PRKAR2B: variants seen among roughly 807,000 people sequenced by gnomAD.
The protein encoded by PRKAR2B is cAMP-dependent protein kinase type II-beta regulatory subunit.
In PRKAR2B, 14 loss-of-function variants were observed where a neutral mutation model predicts 49.9. That is an observed-to-expected ratio of 0.28 (90% CI 0.19 to 0.44). The LOEUF (loss-of-function observed/expected upper bound fraction) is 0.44. PRKAR2B is among the 20% of genes least tolerant of loss of function. PRKAR2B has a pLI of 1.00. For missense variants in PRKAR2B, 393 were observed against 537.9 expected (o/e 0.73, Z 2.67); for synonymous variants, 196 against 197.7 (o/e 0.99, Z 0.07).
intron 1 of PRKAR2B, among the ~76,000 whole-genome samples, chr7:107,053,673 C>G (rs1793853587): frequency 6.6e-6 from 1 of 151,916 alleles, no homozygotes; most frequent in East Asian, 1.9e-4. Context: ...ACTACGTTAC[C>G]TGAAGGGGAA....
At chr7:107,114,374 G>A (rs1031182428) in intron 2 of PRKAR2B, among the ~76,000 whole-genome samples, 1 of 130,896 alleles carries the variant, frequency 7.6e-6, no homozygotes, top group Non-Finnish European at 1.7e-5. Context: ...GTGTGTGTGT[G>A]TGTTTGAGAC....
At chr7:107,122,062 A>G (rs948956681) in intron 3 of PRKAR2B, 58 bp downstream of exon 3, 4 of 1,164,304 alleles carry the variant, frequency 3.4e-6, no homozygotes, top group Middle Eastern at 2.2e-4. Context: ...TATATAAGGA[A>G]AATAATCATA....
chr7:107,107,064 C>T (rs1032721671), intron 2 of PRKAR2B, among the ~76,000 whole-genome samples: 7 of 152,136 alleles, frequency 4.6e-5, no homozygotes, highest in African/African-American at 7.2e-5. Flanking sequence ...AGGTTGGGTG[C>T]GGTGGCTCAC....
At chr7:107,108,439 A>G (rs977710656) in intron 2 of PRKAR2B, among the ~76,000 whole-genome samples, 2 of 152,216 alleles carry the variant, frequency 1.3e-5, no homozygotes, top group Non-Finnish European at 2.9e-5. Context: ...AAGCGTGACA[A>G]GGACATGGCA....
intron 4 of PRKAR2B, among the ~76,000 whole-genome samples, chr7:107,138,567 G>A (rs989818935): frequency 2.2e-5 from 3 of 137,212 alleles, no homozygotes; most frequent in Admixed American, 7.5e-5. Context: ...TCATTTTTTT[G>A]AGACAGAGTC....
chr7:107,077,280 G>C (rs1035765746), intron 2 of PRKAR2B: 1 of 152,112 alleles, frequency 6.6e-6, no homozygotes, highest in African/African-American at 2.4e-5. Flanking sequence ...TGTGTGTCAG[G>C]TACAGTGCTG....
intron 3 of PRKAR2B, among the ~76,000 whole-genome samples, chr7:107,123,033 A>T (rs1262092324): frequency 6.6e-6 from 1 of 152,212 alleles, no homozygotes; most frequent in African/African-American, 2.4e-5. Context: ...TATAGTCTGA[A>T]AAACTAGACC....
intron 2 of PRKAR2B, among the ~76,000 whole-genome samples, chr7:107,095,100 A>G (rs1421591115): frequency 6.6e-6 from 1 of 152,166 alleles, no homozygotes; most frequent in African/African-American, 2.4e-5. Context: ...CTTGGGCAGT[A>G]TGGCCATTTT....
intron 3 of PRKAR2B, among the ~76,000 whole-genome samples, chr7:107,126,721 T>A (rs1002543323): frequency 1.3e-5 from 2 of 152,176 alleles, no homozygotes; most frequent in East Asian, 3.9e-4. Context: ...TTTAGTGTGT[T>A]AGCCTTCCTT....
At chr7:107,102,390 G>T (rs111832177) in intron 2 of PRKAR2B, among the ~76,000 whole-genome samples, 3 of 152,208 alleles carry the variant, frequency 2.0e-5, no homozygotes, top group African/African-American at 7.2e-5. Flanking sequence ...ATAATTAAGA[G>T]TGGGTATAAA....
intron 7 of PRKAR2B, among the ~76,000 whole-genome samples, chr7:107,151,686 G>A (rs1795990909): frequency 6.6e-6 from 1 of 152,322 alleles, no homozygotes; most frequent in East Asian, 1.9e-4. Context: ...CTACAGCTGG[G>A]AACAGTCACC....
intron 2 of PRKAR2B, among the ~76,000 whole-genome samples, chr7:107,072,183 C>T (rs1584411670): frequency 1.3e-5 from 2 of 151,340 alleles, no homozygotes; most frequent in Admixed American, 1.3e-4. Context: ...TGCATTTATT[C>T]CCAGAATGAC....
chr7:107,136,256 C>T (rs1390270660), intron 4 of PRKAR2B, among the ~76,000 whole-genome samples: 2 of 152,118 alleles, frequency 1.3e-5, no homozygotes, highest in Admixed American at 1.3e-4. Flanking sequence ...TCTAGATGAC[C>T]TTGGATTTGG....
intron 1 of PRKAR2B, 108 bp downstream of exon 1, chr7:107,045,322 A>G (rs1002810314): frequency 5.4e-6 from 5 of 931,926 alleles, no homozygotes; most frequent in Non-Finnish European, 6.0e-6. Flanking sequence ...CTCTCCCCGC[A>G]TTCTCCACCT....
chr7:107,089,382 A>G (rs1050321431), intron 2 of PRKAR2B, among the ~76,000 whole-genome samples: 1 of 152,184 alleles, frequency 6.6e-6, no homozygotes, highest in Non-Finnish European at 1.5e-5. Flanking sequence ...TACTCCTCCC[A>G]TAACAGATGG....
intron 5 of PRKAR2B, among the ~76,000 whole-genome samples, chr7:107,144,724 T>TTGGA (rs1795857298): frequency 6.6e-6 from 1 of 151,358 alleles, no homozygotes; most frequent in Non-Finnish European, 1.5e-5. Flanking sequence ...TCCCAAAACA[T>TTGGA]TGGAATTACA....
chr7:107,077,140 A>G (rs1015713391), intron 2 of PRKAR2B: 6 of 152,124 alleles, frequency 3.9e-5, no homozygotes, highest in Admixed American at 2.6e-4. Flanking sequence ...TTACATTCAT[A>G]TTTTGTTTTT....
intron 2 of PRKAR2B, among the ~76,000 whole-genome samples, chr7:107,074,968 ATT>A (rs1229576377): frequency 3.3e-5 from 5 of 151,298 alleles, no homozygotes; most frequent in African/African-American, 1.2e-4. Context: ...GAGTTTTCCC[ATT>A]TTCTCTGTGA....
At chr7:107,080,910 T>C (rs1794503150) in intron 2 of PRKAR2B, among the ~76,000 whole-genome samples, 1 of 152,192 alleles carries the variant, frequency 6.6e-6, no homozygotes, top group Non-Finnish European at 1.5e-5. Context: ...TTATTAGCTG[T>C]GTGACCTTGG....
Sources: allele counts gnomAD v4.1 joint callset (sites outside exome capture counted in the v4.1 genomes callset), GRCh38; gene constraint gnomAD v4.1.1; transcripts MANE v1.5; gene names NCBI Gene and HGNC (gene_info 2026-07-23, HGNC 2026-07-21).